HTT: variants seen among roughly 807,000 people sequenced by gnomAD.
HTT encodes huntingtin.
A neutral mutation model predicts 362.3 loss-of-function variants in HTT; 104 were observed. The ratio of observed to expected loss-of-function variants is 0.29; its 90% CI spans 0.24 to 0.34. The LOEUF is 0.34. Among genes scored for constraint, HTT ranks in the 10% least tolerant of loss-of-function variants. The pLI, the probability that HTT is intolerant of heterozygous loss-of-function variation, is 1.00. For missense variants in HTT, 3,301 were observed against 3,928.6 expected, an observed-to-expected ratio of 0.84 and a Z score of 4.27; for synonymous variants, 1,577 against 1,548.7, an observed-to-expected ratio of 1.02 and a Z score of -0.43.
Position 3,178,390 on chromosome 4 carries a change from A to C in HTT, c.4556A>C (p.Lys1519Thr). The C allele has an allele frequency of 6.2e-6, 10 of 1,613,746 alleles. 1 individual carries two copies. The South Asian group carries it at 1.1e-4, about 18-fold the overall frequency. The change falls in exon 35 of 67, where the codon AAA (lysine) becomes ACA (threonine). Residue 1519 changes from lysine (K) to threonine (T), a missense_variant. Transcript: ENST00000355072. ...YHSKQIIGIPKIIQLCDGIMA... is the reference protein window; with the variant it reads ...YHSKQIIGIPTIIQLCDGIMA... ...TCAAAACAGATCATTGGAATTCCTA[A>C]AATCATTCAGCTCTGTGATGGCATC...
chr4:3,138,137 C>T (rs553565654), intron 21 of HTT, among the ~76,000 whole-genome samples: 1 of 148,804 alleles, frequency 6.7e-6, no homozygotes, highest in South Asian at 2.2e-4. Context: ...TCCCTACTTC[C>T]CTCTCCCTTT....
intron 8 of HTT, 49 bp from the exon 9 acceptor site, chr4:3,121,179 A>T (rs1200868855): frequency 7.2e-7 from 1 of 1,381,150 alleles, no homozygotes; most frequent in African/African-American, 1.4e-5. Context: ...GAAGCTTAGG[A>T]TGCATTTTAT....
At chr4:3,224,270 C>G (rs1720807406) in intron 56 of HTT, 139 bp downstream of exon 56, 1 of 820,620 alleles carries the variant, frequency 1.2e-6, no homozygotes, top group East Asian at 2.4e-5. Context: ...TACGCTGCCC[C>G]TTTCATAAGC....
At chr4:3,138,719 T>C (rs1339075649) in intron 21 of HTT, among the ~76,000 whole-genome samples, 1 of 152,102 alleles carries the variant, frequency 6.6e-6, no homozygotes, top group East Asian at 1.9e-4. Context: ...GTTCAAGTGA[T>C]TCCCACGTCA....
At chr4:3,123,964 A>G (rs1461223680) in intron 10 of HTT, among the ~76,000 whole-genome samples, 4 of 152,202 alleles carry the variant, frequency 2.6e-5, no homozygotes, top group African/African-American at 4.8e-5. Flanking sequence ...TGATTTGAGT[A>G]TTTAATTGAG....
chr4:3,236,193 G>A lies in HTT; in HGVS notation c.8830G>A (p.Ala2944Thr), dbSNP rs776564462. ...GGGTAGAACTTCAGACCCTAATCCT[G>A]CAGCCCCCGACAGCGAGTCAGTGAT... ...SPGRTSDPNP[A>T]APDSESVIVA... The change falls in exon 64 of 67, where the codon GCA (alanine) becomes ACA (threonine). Residue 2944 changes from alanine (A) to threonine (T), a missense_variant. Coordinates refer to ENST00000355072, the MANE Select transcript of HTT (RefSeq NM_001388492.1). 1 of 1,614,186 alleles carries A rather than the reference G, an allele frequency of 6.2e-7. No homozygotes were observed. The highest frequency in any genetic ancestry group is 8.5e-7 in the Non-Finnish European group (1 of 1,179,984).
intron 2 of HTT, among the ~76,000 whole-genome samples, chr4:3,091,116 A>T (rs771108838): frequency 1.3e-5 from 2 of 152,226 alleles, no homozygotes; most frequent in Non-Finnish European, 2.9e-5. Context: ...CTGTCTCAAG[A>T]AAAAAGAGAA....
chr4:3,229,097 C>T, intron 59 of HTT, 88 bp downstream of exon 59: 1 of 1,333,632 alleles, frequency 7.5e-7, no homozygotes, highest in South Asian at 1.3e-5. Context: ...ACCGCCCACA[C>T]ACATGCCACT....
intron 3 of HTT, among the ~76,000 whole-genome samples, chr4:3,103,209 C>T (rs1033870856): frequency 6.9e-6 from 1 of 144,726 alleles, no homozygotes; most frequent in African/African-American, 2.6e-5. Context: ...ATATATAAAT[C>T]CTATATATAT....
intron 8 of HTT, among the ~76,000 whole-genome samples, chr4:3,117,727 G>C (rs1715100757): frequency 6.6e-6 from 1 of 152,018 alleles, no homozygotes; most frequent in Non-Finnish European, 1.5e-5. Flanking sequence ...CAGCTACTTG[G>C]GAGGCTGAGA....
chr4:3,222,358 A>C, intron 53 of HTT, 29 bp from the exon 54 acceptor site: 1 of 1,563,010 alleles, frequency 6.4e-7, no homozygotes, highest in Non-Finnish European at 8.8e-7. Context: ...AAGGGTTGAC[A>C]CTCTCTCATG....
chr4:3,210,713 A>T lies in HTT; in HGVS notation c.6414+764A>T, dbSNP rs1289063838. ...CTCCTGGTGCTTTAGCCCTGCGTTGATATGCAGCAAATGGGAGGGAAGTGG... is the reference window on the plus strand; with the variant it reads ...CTCCTGGTGCTTTAGCCCTGCGTTGTTATGCAGCAAATGGGAGGGAAGTGG... On this transcript the variant is annotated intron_variant, in intron 47 of 66. Coordinates refer to ENST00000355072, the MANE Select transcript of HTT (RefSeq NM_001388492.1). 2.6e-5 allele frequency among the ~76,000 whole-genome samples: 4 copies of T among 152,068 alleles called. No individual in the cohort carries two copies. The South Asian group carries it at 8.3e-4, about 32-fold the overall frequency.
rs1321468425 is a variant in HTT, at chr4:3,240,761, G to A, written c.*702G>A. The A allele has an allele frequency of 6.5e-6, 1 of 153,028 alleles. No homozygotes were observed. Among genetic ancestry groups the A allele is most frequent in the African/African-American group, 2.4e-5 (1 of 41,456 alleles). 9.5% of individuals were successfully genotyped at this position (153,028 alleles called of 1,614,324 possible). ...GGCCCCCGGCCACGCTCCCTCTCCT[G>A]TAGCCACTGGCATAGCCCTCCTGAG... On this transcript the variant is annotated 3_prime_UTR_variant, in exon 67 of 67. Transcript: ENST00000355072.
At chr4:3,083,818 C>T (rs1446819522) in intron 1 of HTT, among the ~76,000 whole-genome samples, 5 of 152,116 alleles carry the variant, frequency 3.3e-5, no homozygotes, top group Non-Finnish European at 7.4e-5. Context: ...CCTTAATGTT[C>T]ACATAAAAAC....
At chr4:3,203,981 G>A in intron 41 of HTT, 26 bp from the exon 42 acceptor site, 1 of 1,610,658 alleles carries the variant, frequency 6.2e-7, no homozygotes, top group Non-Finnish European at 8.5e-7. Flanking sequence ...CAGAAACATT[G>A]TCAATGCATC....
chr4:3,157,008 C>G (rs1265428395), intron 27 of HTT, 64 bp from the exon 28 acceptor site: 6 of 1,326,656 alleles, frequency 4.5e-6, no homozygotes, highest in African/African-American at 3.0e-5. Flanking sequence ...TTCCAGTAAT[C>G]TCTTTAAAAC....
At position 3,199,628 on chromosome 4, in the gene HTT, G is replaced by A. The variant is rs1719433883; in HGVS notation, c.5369-104G>A. 7 of 961,322 alleles carry A rather than the reference G, an allele frequency of 7.3e-6. No individual in the cohort carries two copies. In the South Asian group the frequency reaches 1.0e-4, roughly 14 times the overall value. 59.5% of individuals were successfully genotyped at this position (961,322 alleles called of 1,614,324 possible). A position where few individuals can be genotyped will look rare whatever the true frequency, so the allele number is the denominator to read the frequency against. On this transcript the variant is annotated intron_variant, in intron 40 of 66. Coordinates refer to ENST00000355072, the MANE Select transcript of HTT (RefSeq NM_001388492.1). ...CAGGTGTTCTGAATACGTAAGTATGGGAGACGACTCAGCCTGTTTCATTTT... is the reference window on the plus strand; with the variant it reads ...CAGGTGTTCTGAATACGTAAGTATGAGAGACGACTCAGCCTGTTTCATTTT...
intron 29 of HTT, among the ~76,000 whole-genome samples, chr4:3,163,107 C>T (rs1027426381): frequency 4.6e-5 from 7 of 152,128 alleles, no homozygotes; most frequent in African/African-American, 1.7e-4. Flanking sequence ...TCCATCGATA[C>T]CTAGTTTATT....
chr4:3,095,541 A>G (rs1041002559), intron 2 of HTT, among the ~76,000 whole-genome samples: 3 of 152,134 alleles, frequency 2.0e-5, no homozygotes, highest in Admixed American at 6.5e-5. Flanking sequence ...GGGCGAGGGA[A>G]TTCCTTAATT....
Sources: gnomAD v4.1 joint callset for allele counts (sites outside exome capture counted in the v4.1 genomes callset) on GRCh38, gnomAD v4.1.1 for gene constraint, MANE v1.5 for transcripts, NCBI Gene and HGNC (gene_info 2026-07-23, HGNC 2026-07-21) for gene names.